ETS1: variants seen among roughly 807,000 people sequenced by gnomAD.
ETS1 encodes ETS proto-oncogene 1, transcription factor.
A neutral mutation model predicts 58.6 loss-of-function variants in ETS1; 15 were observed. The ratio of observed to expected loss-of-function variants is 0.26; its 90% CI spans 0.17 to 0.39. The LOEUF is 0.39. Ranked by LOEUF, ETS1 falls within the 10% of genes least tolerant of loss-of-function variation. The pLI is 1.00. For synonymous variants in ETS1, 214 were observed against 218.2 expected (o/e 0.98, Z 0.17); for missense variants, 417 against 610.5 (o/e 0.68, Z 3.34).
intron 3 of ETS1, among the ~76,000 whole-genome samples, chr11:128,529,299 T>A (rs1863856943): frequency 6.6e-6 from 1 of 152,024 alleles, no homozygotes; most frequent in African/African-American, 2.4e-5. Context: ...GCTATACAGG[T>A]GATTCTATAT....
intron 3 of ETS1, among the ~76,000 whole-genome samples, chr11:128,538,582 C>G (rs1324825374): frequency 6.6e-6 from 1 of 152,130 alleles, no homozygotes; most frequent in Admixed American, 6.5e-5. Context: ...CATAAATCTC[C>G]CTGCCTGAAA....
chr11:128,490,925 G>T (rs1381893205), intron 3 of ETS1, among the ~76,000 whole-genome samples: 1 of 151,714 alleles, frequency 6.6e-6, no homozygotes, highest in Non-Finnish European at 1.5e-5. Context: ...TCACCATGTT[G>T]GCCAGGCTGG....
Position 128,549,526 on chromosome 11 carries a change from G to A in ETS1, c.214+6765C>T, listed in dbSNP as rs1864195571. 6.6e-6 allele frequency among the ~76,000 whole-genome samples: 1 copy of A among 152,158 alleles called. No homozygotes were observed. The highest frequency in any genetic ancestry group is 1.5e-5 in the Non-Finnish European group (1 of 68,004). ...TGTGGTTTGAAAAAGTTGAGAGAAC[G>A]TTTTTTCTCTCCGCAGCCCCCTGGG... On this transcript the variant is annotated intron_variant, in intron 3 of 9. Coordinates refer to ENST00000392668, the MANE Select transcript of ETS1 (RefSeq NM_001143820.2). This position sits in a 1 kb window ranked among gnomAD's most constrained non-coding sequence, Gnocchi z 4.3.
chr11:128,468,210 A>T (rs898486737), intron 8 of ETS1, among the ~76,000 whole-genome samples: 19 of 152,302 alleles, frequency 1.2e-4, no homozygotes, highest in East Asian at 1.9e-4. Context: ...CTCACTTTTT[A>T]AAAAAAGTAA....
Position 128,480,127 on chromosome 11 carries a change from T to A in ETS1, c.1123+64A>T. The A allele has an allele frequency of 2.5e-6, 4 of 1,589,420 alleles. No individual in the cohort carries two copies. In the South Asian group the frequency reaches 4.5e-5, roughly 18 times the overall value. ...TCTCTGGTCAGAGGTGCAGAGTGCC[T>A]TCCAGGACCCCACCCACAGAAACGT... is the stretch of plus-strand genomic sequence containing the variant. On this transcript the variant is annotated intron_variant, in intron 8 of 9. Coordinates refer to ENST00000392668, the MANE Select transcript of ETS1 (RefSeq NM_001143820.2).
intron 2 of ETS1, among the ~76,000 whole-genome samples, chr11:128,564,728 C>T (rs370971361): frequency 6.6e-6 from 1 of 152,076 alleles, no homozygotes; most frequent in Admixed American, 6.5e-5. Flanking sequence ...AGTTGCCCCT[C>T]GCTTAGCATG....
At chr11:128,571,535 A>C (rs1332243166) in intron 2 of ETS1, among the ~76,000 whole-genome samples, 2 of 140,358 alleles carry the variant, frequency 1.4e-5, no homozygotes, top group African/African-American at 2.7e-5. Flanking sequence ...AAAAAAAAAA[A>C]AAAAAAAACT....
Position 128,555,266 on chromosome 11 carries a change from G to A in ETS1, c.214+1025C>T, listed in dbSNP as rs11221349. Among the ~76,000 whole-genome samples the A allele has an allele frequency of 7.6e-3, 1,152 of 152,264 alleles. 20 individuals are homozygous for A. The highest frequency in any genetic ancestry group is 0.026 in the African/African-American group (1,093 of 41,538). On this transcript the variant is annotated intron_variant, in intron 3 of 9. Transcript: ENST00000392668. ...CTGTTTATTCCTGATGAGCAATAAA[G>A]CATGGGCAACAAAGCAAACATTTAT...
intron 3 of ETS1, chr11:128,528,946 G>A (rs151154565): frequency 2.6e-5 from 4 of 152,214 alleles, no homozygotes; most frequent in South Asian, 2.1e-4. Context: ...GGCTCACCAC[G>A]AAGTAAATCA....
At chr11:128,555,911 C>T (rs1224966688) in intron 3 of ETS1, among the ~76,000 whole-genome samples, 12 of 152,180 alleles carry the variant, frequency 7.9e-5, no homozygotes, top group Admixed American at 2.0e-4. Context: ...AGATGATCAT[C>T]GAAAGAAAGC....
chr11:128,540,472 T>C (rs1864039679), intron 3 of ETS1, among the ~76,000 whole-genome samples: 1 of 151,872 alleles, frequency 6.6e-6, no homozygotes, highest in Admixed American at 6.6e-5. Flanking sequence ...AAAGCTCACC[T>C]CAATAAACCG....
chr11:128,576,101 C>T (rs188442373), intron 1 of ETS1, among the ~76,000 whole-genome samples: 317 of 152,370 alleles, frequency 2.1e-3, no homozygotes, highest in Non-Finnish European at 3.4e-3. Flanking sequence ...ATGAATGACA[C>T]TTCCCTTGGG....
At chr11:128,498,674 CT>C (rs1863007065) in intron 3 of ETS1, among the ~76,000 whole-genome samples, 1 of 152,162 alleles carries the variant, frequency 6.6e-6, no homozygotes, top group Non-Finnish European at 1.5e-5. Context: ...AAAACCCAAG[CT>C]GCGTTTTAAT....
chr11:128,556,188 C>T (rs1323753794), intron 3 of ETS1, 103 bp downstream of exon 3: 15 of 1,030,576 alleles, frequency 1.5e-5, no homozygotes, highest in South Asian at 8.6e-5. Context: ...CATCTGTACC[C>T]GCATAAGCCA....
chr11:128,466,515 G>A (rs371890198), intron 8 of ETS1, among the ~76,000 whole-genome samples: 5 of 152,110 alleles, frequency 3.3e-5, no homozygotes, highest in African/African-American at 7.2e-5. Flanking sequence ...ACCCTCTGAC[G>A]GAATGGTTAG....
At chr11:128,477,475 G>A (rs1405011071) in intron 8 of ETS1, among the ~76,000 whole-genome samples, 1 of 152,164 alleles carries the variant, frequency 6.6e-6, no homozygotes, top group African/African-American at 2.4e-5. Flanking sequence ...TGGTGGGTGA[G>A]GCTGTATGGG....
chr11:128,572,995 C>T (rs1864667149), intron 2 of ETS1, 67 bp downstream of exon 2: 2 of 1,302,114 alleles, frequency 1.5e-6, no homozygotes, highest in East Asian at 2.5e-5. Context: ...GGTCAGGATA[C>T]AGGAAGCACA....
At position 128,570,399 on chromosome 11, in the gene ETS1, T is replaced by C. The variant is rs2135576931; in HGVS notation, c.69+2663A>G. ...ATTACAAGGCATGTGCCACCACACCTGGCTAATTTTTTTTGTATTTTTAGC... is the reference window on the plus strand; with the variant it reads ...ATTACAAGGCATGTGCCACCACACCCGGCTAATTTTTTTTGTATTTTTAGC... On this transcript the variant is annotated intron_variant, in intron 2 of 9. Transcript: ENST00000392668. 2.6e-5 allele frequency among the ~76,000 whole-genome samples: 4 copies of C among 152,162 alleles called. 1 individual carries two copies. Among genetic ancestry groups the C allele is most frequent in the Admixed American group, 2.6e-4 (4 of 15,274 alleles).
rs1861953371 is a variant in ETS1, at chr11:128,463,393, G to A, written c.1242+116C>T. ...CTACCTAGCTTGCTCCGGGTGGCAA[G>A]TGGCAGAGCTGGGAATCCCAATCCT... On this transcript the variant is annotated intron_variant, in intron 9 of 9. Coordinates refer to ENST00000392668, the MANE Select transcript of ETS1 (RefSeq NM_001143820.2). The surrounding 1 kb of genome is among the most constrained non-coding windows in gnomAD (Gnocchi z 4.1). 8.8e-6 allele frequency: 6 copies of A among 685,180 alleles called. 1 individual carries two copies. Among genetic ancestry groups the A allele is most frequent in the East Asian group, 2.6e-5 (1 of 39,030 alleles). The allele number at this position is 685,180 out of a possible 1,614,324, so 42.4% of individuals were successfully genotyped here.
Sources: allele counts gnomAD v4.1 joint callset (sites outside exome capture counted in the v4.1 genomes callset), GRCh38; gene constraint gnomAD v4.1.1; non-coding constraint Gnocchi (gnomAD v3.1); transcripts MANE v1.5; gene names NCBI Gene and HGNC (gene_info 2026-07-23, HGNC 2026-07-21).